STRN: variants seen among roughly 807,000 people sequenced by gnomAD.
STRN encodes the protein protein phosphatase 2 regulatory subunit B'''alpha.
A neutral mutation model predicts 96.3 loss-of-function variants in STRN; 53 were observed. The ratio of observed to expected loss-of-function variants is 0.55; its 90% CI spans 0.44 to 0.69. The LOEUF (loss-of-function observed/expected upper bound fraction) is 0.69. Among genes scored for constraint, STRN ranks in the 30% least tolerant of loss-of-function variants. The pLI, the probability that STRN is intolerant of heterozygous loss-of-function variation, is 0.00. For missense variants in STRN, 987 were observed against 963.9 expected, an observed-to-expected ratio of 1.02 and a Z score of -0.32; for synonymous variants, 428 against 355.9, an observed-to-expected ratio of 1.20 and a Z score of -2.28.
chr2:36,928,519 G>T lies in STRN; in HGVS notation c.235-3311C>A, dbSNP rs1199926213. Among the ~76,000 whole-genome samples, 6 of 151,864 alleles carry T rather than the reference G, an allele frequency of 4.0e-5. No homozygotes were observed. In the East Asian group the frequency reaches 9.7e-4, roughly 25 times the overall value. Reference sequence around the variant, plus strand: ...ATACAAAAATTAGCCAGGCATGGTGGCAGGCACCTGTATTCCCAGCTACTT... The same window carrying T: ...ATACAAAAATTAGCCAGGCATGGTGTCAGGCACCTGTATTCCCAGCTACTT... On this transcript the variant is annotated intron_variant, in intron 1 of 17. Coordinates refer to ENST00000263918, the MANE Select transcript of STRN (RefSeq NM_003162.4).
chr2:36,963,882 G>C (rs923799258), intron 1 of STRN, among the ~76,000 whole-genome samples: 39 of 152,022 alleles, frequency 2.6e-4, no homozygotes, highest in Non-Finnish European at 3.7e-4. Context: ...GCTTAAACTT[G>C]GGAGGCTGAG....
At chr2:36,870,897 G>A (rs1360809537) in intron 10 of STRN, among the ~76,000 whole-genome samples, 2 of 152,158 alleles carry the variant, frequency 1.3e-5, no homozygotes, top group African/African-American at 4.8e-5. Flanking sequence ...GTAGAAGAGA[G>A]TGATACTGAT....
rs58278911 is a variant in STRN, at chr2:36,845,915, G to GCACACACACACACA, written c.*3527_*3540dup. On this transcript the variant is annotated 3_prime_UTR_variant, in exon 18 of 18. Transcript: ENST00000263918. Reference sequence around the variant, plus strand: ...CACACACACACACACACGCATGCATGCACACACACACACACACACACACAC... The same window carrying GCACACACACACACA: ...CACACACACACACACACGCATGCATGCACACACACACACACACACACACACACACACACACACAC... 2.4e-4 allele frequency: 20 copies of GCACACACACACACA among 82,918 alleles called. No homozygotes were observed. The highest frequency in any genetic ancestry group is 8.6e-4 in the African/African-American group (18 of 20,908). 5.1% of individuals were successfully genotyped at this position (82,918 alleles called of 1,614,324 possible).
chr2:36,917,254 GC>G, intron 2 of STRN, among the ~76,000 whole-genome samples: 1 of 151,812 alleles, frequency 6.6e-6, no homozygotes, highest in South Asian at 2.1e-4. Flanking sequence ...GGGCACGGGG[GC>G]TCATGCCTGT....
intron 1 of STRN, among the ~76,000 whole-genome samples, chr2:36,945,771 T>A (rs1023676761): frequency 2.0e-4 from 31 of 152,186 alleles, no homozygotes; most frequent in African/African-American, 7.0e-4. Flanking sequence ...ATTTCATTAG[T>A]TAGTTAAATG....
intron 1 of STRN, among the ~76,000 whole-genome samples, chr2:36,956,861 T>C (rs1664901498): frequency 6.6e-6 from 1 of 152,186 alleles, no homozygotes. Context: ...ATTTTGAAAG[T>C]AAAATAAGAG....
intron 1 of STRN, 116 bp from the exon 2 acceptor site, chr2:36,925,324 C>T (rs962808185): frequency 4.2e-5 from 28 of 669,306 alleles, no homozygotes; most frequent in Non-Finnish European, 6.5e-5. Context: ...TTCCTTTACA[C>T]ATTTCTCACA....
intron 9 of STRN, among the ~76,000 whole-genome samples, chr2:36,881,133 T>C (rs1224081727): frequency 6.8e-6 from 1 of 147,682 alleles, no homozygotes; most frequent in Non-Finnish European, 1.5e-5. Context: ...TTTTTTTTTT[T>C]TTTTTTTTTT....
intron 2 of STRN, among the ~76,000 whole-genome samples, chr2:36,923,757 A>C (rs967930396): frequency 1.3e-5 from 2 of 152,198 alleles, no homozygotes; most frequent in African/African-American, 2.4e-5. Flanking sequence ...AAAGAGAAAA[A>C]CAAAACAAGC....
intron 13 of STRN, among the ~76,000 whole-genome samples, chr2:36,860,523 C>T (rs143854391): frequency 4.5e-4 from 68 of 152,276 alleles, no homozygotes; most frequent in Non-Finnish European, 8.2e-4. Flanking sequence ...TGTGATACTT[C>T]AAACTACTCT....
chr2:36,926,981 T>G (rs1447574897), intron 1 of STRN, among the ~76,000 whole-genome samples: 2 of 152,174 alleles, frequency 1.3e-5, no homozygotes, highest in Non-Finnish European at 2.9e-5. Flanking sequence ...GCATAGAACT[T>G]TATATGCTCT....
Position 36,925,640 on chromosome 2 carries a change from G to A in STRN, c.235-432C>T, listed in dbSNP as rs536709570. On this transcript the variant is annotated intron_variant, in intron 1 of 17. Transcript: ENST00000263918. ...AAAAATACAAAAATTAGCTGGGCCT[G>A]GTGGCACCTGTAATCCCAGCTACTC... 6.6e-5 allele frequency among the ~76,000 whole-genome samples: 10 copies of A among 152,208 alleles called. No individual in the cohort carries two copies. In the East Asian group the frequency reaches 1.7e-3, roughly 26 times the overall value.
chr2:36,884,765 A>G (rs1374980533), intron 8 of STRN, among the ~76,000 whole-genome samples: 1 of 152,182 alleles, frequency 6.6e-6, no homozygotes, highest in African/African-American at 2.4e-5. Flanking sequence ...TTGACTGGAA[A>G]TATCTCTACT....
At chr2:36,870,878 G>C (rs1378627177) in intron 10 of STRN, among the ~76,000 whole-genome samples, 4 of 152,312 alleles carry the variant, frequency 2.6e-5, no homozygotes, top group African/African-American at 9.6e-5. Context: ...AGTGGGACAA[G>C]ATGTGGAGGT....
intron 1 of STRN, among the ~76,000 whole-genome samples, chr2:36,932,115 A>G (rs549093035): frequency 6.6e-6 from 1 of 151,534 alleles, no homozygotes; most frequent in East Asian, 2.0e-4. Context: ...CCACTGCACC[A>G]AGCCTAAAAA....
At position 36,893,998 on chromosome 2, in the gene STRN, T is replaced by G; in HGVS notation, c.831A>C (p.Glu277Asp). The G allele has an allele frequency of 1.2e-6, 2 of 1,613,580 alleles. No homozygotes were observed. Among genetic ancestry groups the G allele is most frequent in the Non-Finnish European group, 1.7e-6 (2 of 1,179,858 alleles). Reference protein sequence around the residue: ...VRKKALPDSGEDRDTKEALKE... With the variant: ...VRKKALPDSGDDRDTKEALKE... ...TTAGAGCTTCTTTTGTATCTCGATC[T>G]TCACCGCTGTCAGGCAATGCTTTTT... Residue 277 changes from glutamate (E) to aspartate (D), a missense_variant, in exon 7 of 18, where the codon GAA becomes GAC. Physicochemically the swap from Glu to Asp is conservative, Grantham distance 45. Coordinates refer to ENST00000263918, the MANE Select transcript of STRN (RefSeq NM_003162.4).
chr2:36,902,963 A>G (rs922938664), intron 4 of STRN: 11 of 336,618 alleles, frequency 3.3e-5, no homozygotes, highest in African/African-American at 2.3e-4. Flanking sequence ...GAAAAATGAG[A>G]GAACTATACA....
chr2:36,893,914 G>C lies in STRN; in HGVS notation c.915C>G (p.Gly305=). 6.2e-7 allele frequency: 1 copy of C among 1,610,600 alleles called. No individual in the cohort carries two copies. Among genetic ancestry groups the C allele is most frequent in the Non-Finnish European group, 8.5e-7 (1 of 1,178,714 alleles). ...CTTCCTTACCCCAGTCTGTTCCATC[G>C]CCTGCACTTCTAGATTCATTGTCTC... ...EEGDNESRSA[G]DGTDWEKEDQ... is the part of the protein sequence containing the mutation. The change falls in exon 7 of 18, where the codon GGC becomes GGG. Residue 305 remains glycine, a synonymous_variant. Transcript: ENST00000263918.
At position 36,855,307 on chromosome 2, in the gene STRN, C is replaced by G. The variant is rs374304410; in HGVS notation, c.1883G>C (p.Ser628Thr). Residue 628 changes from serine (S) to threonine (T), a missense_variant, in exon 15 of 18, where the codon AGC (serine) becomes ACC (threonine). Ser to Thr is a moderately conservative substitution (Grantham distance 58). Coordinates refer to ENST00000263918, the MANE Select transcript of STRN (RefSeq NM_003162.4). ...ASVDLVSSDP[S>T]HMVASFSKGY... ...CTTGCTGAATGATGCTACCATATGG[C>G]TCGGGTCACTGCTCACTAGATCCAC... 124 of 1,613,762 alleles carry G rather than the reference C, an allele frequency of 7.7e-5. No individual in the cohort carries two copies. In the East Asian group the frequency reaches 8.9e-4, roughly 12 times the overall value.
Sources: gnomAD v4.1 joint callset for allele counts (sites outside exome capture counted in the v4.1 genomes callset) on GRCh38, gnomAD v4.1.1 for gene constraint, MANE v1.5 for transcripts, NCBI Gene and HGNC (gene_info 2026-07-23, HGNC 2026-07-21) for gene names.